Variants in HSD17B14 observed in about 807,000 individuals in gnomAD.
HSD17B14 encodes L-fucose dehydrogenase.
Under a neutral mutation model 32.2 loss-of-function variants are expected in HSD17B14, and 32 were observed. The observed-to-expected ratio is 0.99, with a 90% CI of 0.75 to 1.33. The LOEUF (loss-of-function observed/expected upper bound fraction) is 1.33. Ranked by LOEUF, HSD17B14 falls within the 40% of genes most tolerant of loss-of-function variation. HSD17B14 has a pLI of 0.00. For missense variants in HSD17B14, 370 were observed against 366.5 expected, an observed-to-expected ratio of 1.01 and a Z score of -0.08; for synonymous variants, 140 against 155.4, an observed-to-expected ratio of 0.90 and a Z score of 0.74.
At position 48,815,064 on chromosome 19, in the gene HSD17B14, G is replaced by A; in HGVS notation, c.447C>T (p.Ala149=). Residue 149 remains alanine, a synonymous_variant, in exon 6 of 9, where the codon GCC becomes GCT. Transcript: ENST00000263278. ...ISSLVGAIGQ[A]QAVPYVATKG... is the part of the protein sequence containing the mutation. ...TGGTGGCCACATAGGGAACTGCCTG[G>A]GCCTGGCCGATTGCCCCCACCAGGC... 6.2e-7 allele frequency: 1 copy of A among 1,613,874 alleles called. No individual in the cohort carries two copies. Among genetic ancestry groups the A allele is most frequent in the Middle Eastern group, 1.6e-4 (1 of 6,062 alleles).
chr19:48,829,671 TCCGCTC>T, intron 5 of HSD17B14, among the ~76,000 whole-genome samples: 1 of 125,012 alleles, frequency 8.0e-6, no homozygotes, highest in Non-Finnish European at 1.6e-5. Context: ...AGACGGAGTT[TCCGCTC>T]TTATTGCCCA....
At chr19:48,829,999 CA>C (rs1253814818) in intron 5 of HSD17B14, among the ~76,000 whole-genome samples, 1 of 150,944 alleles carries the variant, frequency 6.6e-6, no homozygotes, top group Non-Finnish European at 1.5e-5. Context: ...GACAAGGTCT[CA>C]CTCTGTCACC....
chr19:48,814,961 C>G, intron 6 of HSD17B14, 76 bp downstream of exon 6: 5 of 1,123,858 alleles, frequency 4.4e-6, no homozygotes, highest in Non-Finnish European at 6.7e-6. Context: ...AGGTCTGGCT[C>G]CTAAGTTGTC....
intron 5 of HSD17B14, among the ~76,000 whole-genome samples, chr19:48,826,528 A>AAAAAAAAAAAAAATATAT (rs777368104): frequency 4.3e-5 from 1 of 23,078 alleles, no homozygotes; most frequent in African/African-American, 1.2e-4. Context: ...AAAAGAAGAA[A>AAAAAAAAAAAAAATATAT]ATATATATAT....
chr19:48,832,636 G>A (rs1568524595), intron 4 of HSD17B14, 30 bp downstream of exon 4: 2 of 1,600,026 alleles, frequency 1.2e-6, no homozygotes, highest in Non-Finnish European at 8.6e-7. Flanking sequence ...GGCAGGAGGT[G>A]GAGAATGGCC....
At chr19:48,836,212 A>T in intron 1 of HSD17B14, 112 bp downstream of exon 1, 1 of 1,130,372 alleles carries the variant, frequency 8.8e-7, no homozygotes, top group Non-Finnish European at 1.3e-6. Flanking sequence ...TGGCTTTTAT[A>T]ATATCAGAAT....
chr19:48,832,584 G>A, intron 4 of HSD17B14, 82 bp downstream of exon 4: 1 of 1,208,300 alleles, frequency 8.3e-7, no homozygotes, highest in African/African-American at 1.5e-5. Flanking sequence ...GGAATCAGGG[G>A]CAGGGAGTGG....
chr19:48,820,533 A>AT lies in HSD17B14; in HGVS notation c.370-5393dup, dbSNP rs531121579. Among the ~76,000 whole-genome samples, 1,181 of 141,058 alleles carry AT rather than the reference A, an allele frequency of 8.4e-3. 7 individuals are homozygous for AT. The highest frequency in any genetic ancestry group is 0.023 in the African/African-American group (897 of 38,680). The allele number at this position is 141,058 out of a possible 152,430, so 92.5% of individuals were successfully genotyped here. A position where few individuals can be genotyped will look rare whatever the true frequency, so the allele number is the denominator to read the frequency against. On this transcript the variant is annotated intron_variant, in intron 5 of 8. Coordinates refer to ENST00000263278, the MANE Select transcript of HSD17B14 (RefSeq NM_016246.3). ...ACTAAATAGAGGACTGAATGGATAG[A>AT]TTTTTTTTTTTTTTGAGATGGAGTC... is the stretch of plus-strand genomic sequence containing the variant.
At chr19:48,818,392 CCCT>C (rs2035093065) in intron 5 of HSD17B14, among the ~76,000 whole-genome samples, 1 of 151,952 alleles carries the variant, frequency 6.6e-6, no homozygotes, top group Non-Finnish European at 1.5e-5. Flanking sequence ...CCAGCCTCTG[CCCT>C]CCTCCTCAGG....
intron 5 of HSD17B14, among the ~76,000 whole-genome samples, chr19:48,831,223 A>G (rs1332717013): frequency 1.3e-5 from 2 of 152,186 alleles, no homozygotes; most frequent in East Asian, 1.9e-4. Flanking sequence ...CTACAAAGGT[A>G]GATTTGCTGG....
chr19:48,822,578 A>G (rs1269621460), intron 5 of HSD17B14, among the ~76,000 whole-genome samples: 18 of 133,100 alleles, frequency 1.4e-4, no homozygotes, highest in South Asian at 5.2e-4. Context: ...TAGTAATGAC[A>G]GTGGTGATGA....
chr19:48,828,925 G>T (rs987235163), intron 5 of HSD17B14, among the ~76,000 whole-genome samples: 1 of 151,882 alleles, frequency 6.6e-6, no homozygotes, highest in African/African-American at 2.4e-5. Flanking sequence ...AGCCAGGCGT[G>T]GTGGTGAGTG....
In HSD17B14 at chr19:48,828,956, G is replaced by A. The variant is rs1288833832; in HGVS notation, c.369+2712C>T. 6.6e-5 allele frequency among the ~76,000 whole-genome samples: 10 copies of A among 151,872 alleles called. No homozygotes were observed. The East Asian group carries it at 2.0e-3, about 30-fold the overall frequency. ...GAGTGCCTATAATCCCAGCCACTAG[G>A]GAGGCTGAGGCAGAGAATTGCTTAA... is the stretch of plus-strand genomic sequence containing the variant. On this transcript the variant is annotated intron_variant, in intron 5 of 8. Transcript: ENST00000263278.
chr19:48,820,824 G>GA (rs1272119334), intron 5 of HSD17B14, among the ~76,000 whole-genome samples: 1 of 151,354 alleles, frequency 6.6e-6, no homozygotes, highest in Non-Finnish European at 1.5e-5. Flanking sequence ...GCAATATGGC[G>GA]AGACCCCATT....
chr19:48,814,969 G>T (rs1568516446), intron 6 of HSD17B14, 68 bp downstream of exon 6: 1 of 1,243,608 alleles, frequency 8.0e-7, no homozygotes, highest in East Asian at 2.3e-5. Flanking sequence ...CTCCTAAGTT[G>T]TCTGGACTCA....
chr19:48,831,607 A>G (rs187910477), intron 5 of HSD17B14, 61 bp downstream of exon 5: 4 of 1,129,748 alleles, frequency 3.5e-6, no homozygotes, highest in Non-Finnish European at 5.4e-6. Flanking sequence ...GACAAAATGC[A>G]TCACACAATC....
At chr19:48,825,263 T>C (rs1340589626) in intron 5 of HSD17B14, among the ~76,000 whole-genome samples, 1 of 144,434 alleles carries the variant, frequency 6.9e-6, no homozygotes, top group African/African-American at 2.6e-5. Context: ...AAAAATTGTA[T>C]GATCTGGGTG....
intron 5 of HSD17B14, among the ~76,000 whole-genome samples, chr19:48,825,308 T>C (rs1338574402): frequency 6.6e-6 from 1 of 151,028 alleles, no homozygotes; most frequent in African/African-American, 2.4e-5. Flanking sequence ...GTAGAGCAAG[T>C]TATTCTTGCT....
At chr19:48,816,177 CTA>C (rs1471469202) in intron 5 of HSD17B14, among the ~76,000 whole-genome samples, 1 of 152,120 alleles carries the variant, frequency 6.6e-6, no homozygotes. Flanking sequence ...AACTCAAATT[CTA>C]TCTTTGATCT....
Sources: allele counts gnomAD v4.1 joint callset (sites outside exome capture counted in the v4.1 genomes callset), GRCh38; gene constraint gnomAD v4.1.1; transcripts MANE v1.5; gene names NCBI Gene and HGNC (gene_info 2026-07-23, HGNC 2026-07-21).